PDE4D: variants seen among roughly 807,000 people sequenced by gnomAD.
PDE4D encodes the protein phosphodiesterase 4D.
Under a neutral mutation model 87.4 loss-of-function variants are expected in PDE4D, and 24 were observed. The ratio of observed to expected loss-of-function variants is 0.27; its 90% CI spans 0.20 to 0.39. The LOEUF is 0.39. Ranked by LOEUF, PDE4D falls within the 10% of genes least tolerant of loss-of-function variation. The pLI is 1.00. For missense variants in PDE4D, 714 were observed against 1,041.0 expected (o/e 0.69, Z 4.32); for synonymous variants, 384 against 383.2 (o/e 1.00, Z -0.02).
chr5:59,178,571 A>G (rs568299729), intron 5 of PDE4D, among the ~76,000 whole-genome samples: 2 of 152,052 alleles, frequency 1.3e-5, no homozygotes, highest in Non-Finnish European at 2.9e-5. Flanking sequence ...CTTTGAGTGT[A>G]GCTACTCTCT....
In PDE4D at chr5:59,516,914, AG is replaced by A. The variant is rs1323044774; in HGVS notation, c.456-300947del. On this transcript the variant is annotated intron_variant, in intron 1 of 14. Transcript: ENST00000340635. ...TCTCCAATACTCCTTGAGAACTACT[AG>A]ATTATAAACATACATACACATACAT... Among the ~76,000 whole-genome samples the A allele has an allele frequency of 7.9e-5, 12 of 152,202 alleles. No homozygotes were observed. The East Asian group carries it at 1.9e-3, about 24-fold the overall frequency.
intron 1 of PDE4D, among the ~76,000 whole-genome samples, chr5:60,476,769 C>T (rs1187497313): frequency 6.6e-6 from 1 of 152,118 alleles, no homozygotes; most frequent in African/African-American, 2.4e-5. Context: ...AGAAGCCTTC[C>T]CTCAACACTA....
At chr5:59,517,180 A>C (rs1811317377) in intron 1 of PDE4D, among the ~76,000 whole-genome samples, 1 of 152,190 alleles carries the variant, frequency 6.6e-6, no homozygotes, top group African/African-American at 2.4e-5. Context: ...AGGTCATCTC[A>C]TTTTAAGATT....
chr5:59,393,503 A>C (rs1451928573), intron 1 of PDE4D, among the ~76,000 whole-genome samples: 1 of 152,196 alleles, frequency 6.6e-6, no homozygotes, highest in Admixed American at 6.5e-5. Context: ...TAGTGTGTTG[A>C]ATCTGGCTGC....
intron 1 of PDE4D, among the ~76,000 whole-genome samples, chr5:59,847,481 C>T (rs1744036872): frequency 6.6e-6 from 1 of 152,038 alleles, no homozygotes; most frequent in Non-Finnish European, 1.5e-5. Context: ...GGTAAGGCTA[C>T]ATGCCAGACT....
At chr5:59,857,728 A>C (rs1456647787) in intron 1 of PDE4D, among the ~76,000 whole-genome samples, 1 of 152,106 alleles carries the variant, frequency 6.6e-6, no homozygotes. Flanking sequence ...CATAAAATTT[A>C]CTCCAAGGAA....
intron 1 of PDE4D, among the ~76,000 whole-genome samples, chr5:59,302,280 C>T (rs998194005): frequency 6.6e-6 from 1 of 152,310 alleles, no homozygotes; most frequent in Non-Finnish European, 1.5e-5. Context: ...AACCAATGAT[C>T]AAGCGGGGCA....
chr5:60,244,989 T>C (rs990656302), intron 1 of PDE4D, among the ~76,000 whole-genome samples: 4 of 151,732 alleles, frequency 2.6e-5, no homozygotes, highest in African/African-American at 9.7e-5. Context: ...AAGGAAACAG[T>C]CAACAAAGCA....
chr5:60,331,774 T>C (rs972898910), intron 1 of PDE4D, among the ~76,000 whole-genome samples: 1 of 152,218 alleles, frequency 6.6e-6, no homozygotes, highest in Admixed American at 6.5e-5. Flanking sequence ...GGCAGTATGG[T>C]TTAGAAGTAA....
chr5:59,187,389 G>T (rs1743159335), intron 3 of PDE4D, among the ~76,000 whole-genome samples: 1 of 152,060 alleles, frequency 6.6e-6, no homozygotes, highest in South Asian at 2.1e-4. Flanking sequence ...CCCCTTCAAT[G>T]ATTAAGATAA....
chr5:59,973,701 G>A (rs1214614858), intron 3 of PDE4D, among the ~76,000 whole-genome samples: 1 of 152,048 alleles, frequency 6.6e-6, no homozygotes. Flanking sequence ...TTCTTCTTAA[G>A]ACAAATGAAG....
In PDE4D at chr5:59,574,154, T is replaced by A. The variant is rs186079; in HGVS notation, c.455+319014A>T. ...TATATATATATATATAAATATATAT[T>A]TATATATATATATATATAAATATCT... On this transcript the variant is annotated intron_variant, in intron 1 of 14. Coordinates refer to ENST00000340635, the MANE Select transcript of PDE4D (RefSeq NM_001104631.2). 1.7e-3 allele frequency among the ~76,000 whole-genome samples: 147 copies of A among 88,912 alleles called. 4 individuals are homozygous for A. Among genetic ancestry groups the A allele is most frequent in the African/African-American group, 7.2e-3 (142 of 19,600 alleles). 58.3% of individuals were successfully genotyped at this position (88,912 alleles called of 152,430 possible).
chr5:59,703,140 G>C (rs1371753582), intron 1 of PDE4D, among the ~76,000 whole-genome samples: 2 of 152,034 alleles, frequency 1.3e-5, no homozygotes. Flanking sequence ...GATATCAAGA[G>C]TAATAAAGTT....
chr5:59,555,549 T>C (rs919089276), intron 1 of PDE4D, among the ~76,000 whole-genome samples: 1 of 152,124 alleles, frequency 6.6e-6, no homozygotes, highest in Non-Finnish European at 1.5e-5. Context: ...CAAAGGTAAA[T>C]CTGTTTGTGG....
At chr5:59,261,271 C>A (rs533862360) in intron 1 of PDE4D, among the ~76,000 whole-genome samples, 1 of 151,646 alleles carries the variant, frequency 6.6e-6, no homozygotes, top group African/African-American at 2.4e-5. Context: ...ATAGTCCATT[C>A]GAAAGTTTTT....
At chr5:60,506,956 T>C (rs35386) in intron 1 of PDE4D, among the ~76,000 whole-genome samples, 101,117 of 152,076 alleles carry the variant, frequency 0.66, 34,696 homozygotes, top group African/African-American at 0.84. Context: ...CCTCTAGTCC[T>C]ATTAGCAAAA....
intron 1 of PDE4D, among the ~76,000 whole-genome samples, chr5:59,817,591 C>G (rs1468057806): frequency 3.9e-5 from 6 of 152,164 alleles, no homozygotes; most frequent in Non-Finnish European, 8.8e-5. Flanking sequence ...CTCAATGTCA[C>G]TATATCTGAA....
At chr5:59,121,223 T>C (rs966375127) in intron 5 of PDE4D, among the ~76,000 whole-genome samples, 1 of 152,206 alleles carries the variant, frequency 6.6e-6, no homozygotes, top group Non-Finnish European at 1.5e-5. Flanking sequence ...TAAAAATTTC[T>C]GTATAGCACA....
chr5:59,359,249 A>G (rs1781850265), intron 1 of PDE4D, among the ~76,000 whole-genome samples: 1 of 152,246 alleles, frequency 6.6e-6, no homozygotes, highest in Non-Finnish European at 1.5e-5. Flanking sequence ...GCAGTCATCT[A>G]GAACAGTTAA....
Sources: gnomAD v4.1 joint callset for allele counts (sites outside exome capture counted in the v4.1 genomes callset) on GRCh38, gnomAD v4.1.1 for gene constraint, MANE v1.5 for transcripts, NCBI Gene and HGNC (gene_info 2026-07-23, HGNC 2026-07-21) for gene names.